The following ZNF615 variants were observed in gnomAD, a reference collection of about 807,000 sequenced individuals.
ZNF615 encodes the protein zinc finger protein 615.
In ZNF615, 15 loss-of-function variants were observed where a neutral mutation model predicts 15.3. The observed-to-expected ratio is 0.98, with a 90% CI of 0.66 to 1.51. The LOEUF is 1.51. Ranked by LOEUF, ZNF615 falls within the 40% of genes most tolerant of loss-of-function variation. The pLI, the probability that ZNF615 is intolerant of heterozygous loss-of-function variation, is 0.00. For synonymous variants in ZNF615, 268 were observed against 294.6 expected (o/e 0.91, Z 0.92); for missense variants, 848 against 895.9 (o/e 0.95, Z 0.68).
intron 1 of ZNF615, 37 bp downstream of exon 1, chr19:52,008,104 C>T: frequency 6.5e-7 from 1 of 1,531,826 alleles, no homozygotes; most frequent in South Asian, 1.2e-5. Context: ...AATTTCCTCC[C>T]CCGTCACCAC....
At chr19:51,994,930 C>A (rs1376076769) in intron 6 of ZNF615, 93 bp from the exon 7 acceptor site, 4 of 1,190,386 alleles carry the variant, frequency 3.4e-6, no homozygotes, top group Non-Finnish European at 4.5e-6. Flanking sequence ...TGTGAGGTGA[C>A]TCTTTAGTGA....
chr19:51,995,564 CT>C (rs61537011), intron 6 of ZNF615, among the ~76,000 whole-genome samples: 22,547 of 135,254 alleles, frequency 0.17, 1,592 homozygotes, highest in South Asian at 0.27. Flanking sequence ...AAACACCTTC[CT>C]TTTTTTTTTT....
chr19:52,003,093 C>G (rs2086651173), intron 3 of ZNF615, among the ~76,000 whole-genome samples: 1 of 151,928 alleles, frequency 6.6e-6, no homozygotes, highest in Non-Finnish European at 1.5e-5. Context: ...TTCCAAAGTG[C>G]TGGGATTACA....
chr19:52,004,698 C>A (rs1176970794), intron 2 of ZNF615: 1 of 152,052 alleles, frequency 6.6e-6, no homozygotes, highest in African/African-American at 2.4e-5. Context: ...CGGCCGCCAT[C>A]CACATCTTGA....
chr19:52,005,567 G>A (rs554533917), intron 2 of ZNF615, among the ~76,000 whole-genome samples: 52 of 152,308 alleles, frequency 3.4e-4, no homozygotes, highest in African/African-American at 1.2e-3. Flanking sequence ...TTTATTAACA[G>A]AAACAGGTGC....
At position 51,994,375 on chromosome 19, in the gene ZNF615, C is replaced by T; in HGVS notation, c.734G>A (p.Cys245Tyr). Reference protein sequence around the residue: ...RVHTGEKPHVCSMCGKAFSRK... With the variant: ...RVHTGEKPHVYSMCGKAFSRK... ...GGAGAAAGCTTTCCCACACATACTG[C>T]ATACATGAGGTTTTTCTCCAGTGTG... The change falls in exon 7 of 7, where the codon TGC (cysteine) becomes TAC (tyrosine). Residue 245 changes from cysteine (C) to tyrosine (Y), a missense_variant. Cys to Tyr is a radical substitution (Grantham distance 194). Coordinates refer to ENST00000598071, the MANE Select transcript of ZNF615 (RefSeq NM_001199324.2). 2 of 1,614,148 alleles carry T rather than the reference C, an allele frequency of 1.2e-6. No individual in the cohort carries two copies. The highest frequency in any genetic ancestry group is 1.7e-6 in the Non-Finnish European group (2 of 1,180,036).
rs1327749983 is a variant in ZNF615, at chr19:51,992,229, CA to C, written c.*650del. On this transcript the variant is annotated 3_prime_UTR_variant, in exon 7 of 7. Transcript: ENST00000598071. ...TTTAGTTCGTGATTAGAGGAAGTCACAATTTAAAATGTATAAAATCAGTGAC... is the reference window on the plus strand; with the variant it reads ...TTTAGTTCGTGATTAGAGGAAGTCACATTTAAAATGTATAAAATCAGTGAC... 2.4e-4 allele frequency: 37 copies of C among 152,140 alleles called. No individual in the cohort carries two copies. Among genetic ancestry groups the C allele is most frequent in the Admixed American group, 2.4e-3 (37 of 15,280 alleles). 9.4% of individuals were successfully genotyped at this position (152,140 alleles called of 1,614,324 possible).
rs753364558 is a variant in ZNF615, at chr19:52,002,194, C to G, written c.103G>C (p.Asp35His). The stretch of plus-strand genomic sequence containing the variant: ...TTGCTGTAGTTCTCCAACATCACGT[C>G]CCGGTACAGGTCCTTCTGAGCAGGG... ...LSPAQKDLYRDVMLENYSNLV... is the reference protein window; with the variant it reads ...LSPAQKDLYRHVMLENYSNLV... The change falls in exon 4 of 7, where the codon GAC (aspartate) becomes CAC (histidine). Residue 35 changes from aspartate (D) to histidine (H), a missense_variant. By Grantham distance (81) the Asp-to-His change is moderately conservative. Coordinates refer to ENST00000598071, the MANE Select transcript of ZNF615 (RefSeq NM_001199324.2). 1.9e-5 allele frequency: 31 copies of G among 1,614,078 alleles called. No individual in the cohort carries two copies. The Admixed American group carries it at 3.8e-4, about 20-fold the overall frequency.
At chr19:52,001,737 C>T in intron 5 of ZNF615, 76 bp downstream of exon 5, 1 of 1,225,108 alleles carries the variant, frequency 8.2e-7, no homozygotes, top group Non-Finnish European at 1.2e-6. Flanking sequence ...CAGATGCCCT[C>T]ACTGCTTTGA....
intron 6 of ZNF615, among the ~76,000 whole-genome samples, chr19:51,997,557 A>C (rs2086476569): frequency 6.6e-6 from 1 of 152,224 alleles, no homozygotes; most frequent in Admixed American, 6.5e-5. Flanking sequence ...AATGATTTGC[A>C]GCAAAGTGTT....
chr19:52,005,130 G>A (rs1377811581), intron 2 of ZNF615, among the ~76,000 whole-genome samples: 6 of 152,068 alleles, frequency 3.9e-5, no homozygotes, highest in Admixed American at 3.9e-4. Context: ...ATGGTAGCGC[G>A]TGCCTATAAT....
chr19:51,994,946 CTATTT>C, intron 6 of ZNF615, 109 bp from the exon 7 acceptor site: 1 of 1,022,914 alleles, frequency 9.8e-7, no homozygotes, highest in Admixed American at 3.3e-5. Context: ...AGTGAAAACC[CTATTT>C]TATTTATTTA....
At chr19:52,005,501 A>G (rs1380627725) in intron 2 of ZNF615, among the ~76,000 whole-genome samples, 2 of 152,236 alleles carry the variant, frequency 1.3e-5, no homozygotes, top group Non-Finnish European at 2.9e-5. Flanking sequence ...TTGTAGCTCA[A>G]AAATGCCCAC....
chr19:51,997,605 C>A (rs1180941773), intron 6 of ZNF615, among the ~76,000 whole-genome samples: 1 of 152,174 alleles, frequency 6.6e-6, no homozygotes, highest in Non-Finnish European at 1.5e-5. Context: ...CCTACACATT[C>A]CAAAGAAAGA....
Position 52,007,342 on chromosome 19 carries a change from T to A in ZNF615, c.-227-12A>T, listed in dbSNP as rs1417335055. 1 of 1,286,534 alleles carries A rather than the reference T, an allele frequency of 7.8e-7. No homozygotes were observed. The highest frequency in any genetic ancestry group is 1.5e-5 in the African/African-American group (1 of 65,742). 79.7% of individuals were successfully genotyped at this position (1,286,534 alleles called of 1,614,324 possible). A position where few individuals can be genotyped will look rare whatever the true frequency, so the allele number is the denominator to read the frequency against. On this transcript the variant is annotated splice_polypyrimidine_tract_variant and intron_variant, in intron 1 of 6. Transcript: ENST00000598071. The stretch of plus-strand genomic sequence containing the variant: ...GTGTCAGAAAGAACCTGAAAAGAAA[T>A]ATCCAAGAGGATACGCTGGAAACTT...
At chr19:52,002,892 T>C (rs976696123) in intron 3 of ZNF615, among the ~76,000 whole-genome samples, 13 of 151,726 alleles carry the variant, frequency 8.6e-5, no homozygotes, top group South Asian at 4.2e-4. Flanking sequence ...AGTGGCACAA[T>C]CTCGGCTCAC....
At chr19:51,995,232 A>G (rs2086384306) in intron 6 of ZNF615, among the ~76,000 whole-genome samples, 1 of 152,202 alleles carries the variant, frequency 6.6e-6, no homozygotes, top group South Asian at 2.1e-4. Context: ...AATATCCTTC[A>G]TTTCTTACAA....
chr19:51,992,393 A>T lies in ZNF615; in HGVS notation c.*487T>A, dbSNP rs11084128. 59,926 of 152,742 alleles carry T rather than the reference A, an allele frequency of 0.39. 13,084 individuals carry two copies. The highest frequency in any genetic ancestry group is 0.58 in the African/African-American group (24,096 of 41,374). 9.5% of individuals were successfully genotyped at this position (152,742 alleles called of 1,614,324 possible). ...CTTCTTTCCTTCATTAAATTCTCTG[A>T]TATTTTCCTAAAAGTCTTCTACATT... On this transcript the variant is annotated 3_prime_UTR_variant, in exon 7 of 7. Transcript: ENST00000598071.
intron 3 of ZNF615, 104 bp downstream of exon 3, chr19:52,003,593 T>C: frequency 9.3e-7 from 1 of 1,079,012 alleles, no homozygotes; most frequent in Non-Finnish European, 1.4e-6. Context: ...CTCCAGGTCC[T>C]GATATTTCCA....
Sources: allele counts gnomAD v4.1 joint callset (sites outside exome capture counted in the v4.1 genomes callset), GRCh38; gene constraint gnomAD v4.1.1; transcripts MANE v1.5; gene names NCBI Gene and HGNC (gene_info 2026-07-23, HGNC 2026-07-21).